TRDMT1: variants seen among roughly 807,000 people sequenced by gnomAD.
The protein encoded by TRDMT1 is tRNA (cytosine(38)-C(5))-methyltransferase.
In TRDMT1, 49 loss-of-function variants were observed where a neutral mutation model predicts 51.2. That is an observed-to-expected ratio of 0.96 (90% CI 0.76 to 1.21). The LOEUF (loss-of-function observed/expected upper bound fraction) is 1.21, where lower values mean the gene tolerates loss of function less well. TRDMT1 is among the 50% of genes most tolerant of loss of function. The pLI, the probability that TRDMT1 is intolerant of heterozygous loss-of-function variation, is 0.00. For synonymous variants in TRDMT1, 187 were observed against 164.6 expected (o/e 1.14, Z -1.04); for missense variants, 534 against 462.3 (o/e 1.16, Z -1.42).
At chr10:17,198,494 G>A (rs1481011190) in intron 1 of TRDMT1, among the ~76,000 whole-genome samples, 1 of 152,150 alleles carries the variant, frequency 6.6e-6, no homozygotes, top group Non-Finnish European at 1.5e-5. Context: ...TATTGATACA[G>A]GCTACAAAAT....
At position 17,155,212 on chromosome 10, in the gene TRDMT1, TC is replaced by T. The variant is rs1839335782; in HGVS notation, c.888-479del. ...CTGGGCAACAGAGTGAGACTCCATCTCAAAAAAATGATAATAAATAATAAAT... is the reference window on the plus strand; with the variant it reads ...CTGGGCAACAGAGTGAGACTCCATCTAAAAAAATGATAATAAATAATAAAT... On this transcript the variant is annotated intron_variant, in intron 8 of 10. Coordinates refer to ENST00000377799, the MANE Select transcript of TRDMT1 (RefSeq NM_004412.7). Among the ~76,000 whole-genome samples, 3 of 148,046 alleles carry T rather than the reference TC, an allele frequency of 2.0e-5. No homozygotes were observed. In the South Asian group the frequency reaches 6.4e-4, roughly 32 times the overall value.
intron 1 of TRDMT1, among the ~76,000 whole-genome samples, chr10:17,181,091 T>C (rs1014689217): frequency 1.3e-4 from 15 of 113,502 alleles, no homozygotes; most frequent in Non-Finnish European, 2.0e-5. Context: ...ACTGTGGCAA[T>C]GCACCCTGCT....
intron 10 of TRDMT1, chr10:17,150,480 C>A: frequency 1.0e-6 from 1 of 985,340 alleles, no homozygotes; most frequent in Non-Finnish European, 1.2e-6. Flanking sequence ...CCCATGGATC[C>A]CTTATATGCT....
chr10:17,174,802 C>G, intron 1 of TRDMT1, 142 bp from the exon 2 acceptor site: 2 of 645,890 alleles, frequency 3.1e-6, no homozygotes, highest in Non-Finnish European at 5.3e-6. Flanking sequence ...GAAGGTCAGG[C>G]CAGGGGAAGC....
Position 17,147,963 on chromosome 10 carries a change from TAAA to T in TRDMT1, c.*1074_*1076del. ...CACAAACTTCCAATTTATCCACCTC[TAAA>T]TAGCTGATTTTTAAGAAGAAAAATT... On this transcript the variant is annotated 3_prime_UTR_variant, in exon 11 of 11. Coordinates refer to ENST00000377799, the MANE Select transcript of TRDMT1 (RefSeq NM_004412.7). The T allele has an allele frequency of 1.0e-6, 1 of 981,592 alleles. No homozygotes were observed. The allele number at this position is 981,592 out of a possible 1,614,324, so 60.8% of individuals were successfully genotyped here.
In TRDMT1 at chr10:17,144,578, C is replaced by A; in HGVS notation, c.*4462G>T. ...CTCAGAATCTATGGTAAATATAAAG[C>A]CAATGTATATGAGAACTTGGGGAAT... On this transcript the variant is annotated 3_prime_UTR_variant, in exon 11 of 11. Coordinates refer to ENST00000377799, the MANE Select transcript of TRDMT1 (RefSeq NM_004412.7). The A allele has an allele frequency of 1.0e-6, 1 of 985,492 alleles. No homozygotes were observed. Among genetic ancestry groups the A allele is most frequent in the Non-Finnish European group, 1.2e-6 (1 of 829,900 alleles). 61.0% of individuals were successfully genotyped at this position (985,492 alleles called of 1,614,324 possible). A position where few individuals can be genotyped will look rare whatever the true frequency, so the allele number is the denominator to read the frequency against.
Position 17,144,874 on chromosome 10 carries a change from G to C in TRDMT1, c.*4166C>G. The C allele has an allele frequency of 3.0e-6, 3 of 985,200 alleles. No homozygotes were observed. The highest frequency in any genetic ancestry group is 3.6e-6 in the Non-Finnish European group (3 of 829,892). 61.0% of individuals were successfully genotyped at this position (985,200 alleles called of 1,614,324 possible). ...CAGCAAAGACAAGAAATAGTGAAAG[G>C]GAAAATGATGCACACAGGTTGACTC... On this transcript the variant is annotated 3_prime_UTR_variant, in exon 11 of 11. Transcript: ENST00000377799.
intron 2 of TRDMT1, chr10:17,169,614 CA>C: frequency 1.1e-6 from 1 of 944,192 alleles, no homozygotes; most frequent in East Asian, 6.1e-5. Flanking sequence ...TCTCAGTGCA[CA>C]TCTTTAGCTA....
chr10:17,175,725 C>G (rs1842546985), intron 1 of TRDMT1, among the ~76,000 whole-genome samples: 3 of 149,944 alleles, frequency 2.0e-5, no homozygotes, highest in Admixed American at 2.0e-4. Context: ...GCAGCAGGCA[C>G]CCGGAAATAA....
intron 1 of TRDMT1, among the ~76,000 whole-genome samples, chr10:17,197,700 T>C (rs928359779): frequency 2.6e-5 from 4 of 152,020 alleles, no homozygotes; most frequent in Non-Finnish European, 5.9e-5. Context: ...CAGACACTTC[T>C]CTGTATTGAA....
At chr10:17,186,699 T>C (rs1319868353) in intron 1 of TRDMT1, among the ~76,000 whole-genome samples, 1 of 152,140 alleles carries the variant, frequency 6.6e-6, no homozygotes, top group Non-Finnish European at 1.5e-5. Context: ...AGATAATAAT[T>C]AGAGATGTAA....
At chr10:17,161,017 G>C (rs988560904) in intron 5 of TRDMT1, among the ~76,000 whole-genome samples, 1 of 152,114 alleles carries the variant, frequency 6.6e-6, no homozygotes, top group African/African-American at 2.4e-5. Context: ...AGTCAGATGG[G>C]AGCACTGTTA....
intron 5 of TRDMT1, 77 bp from the exon 6 acceptor site, chr10:17,160,451 G>C: frequency 1.0e-6 from 1 of 988,072 alleles, no homozygotes; most frequent in Non-Finnish European, 1.4e-6. Flanking sequence ...CAAAAGCTGG[G>C]TTTCTTTTGT....
Position 17,147,147 on chromosome 10 carries a change from T to C in TRDMT1, c.*1893A>G. 1 of 985,698 alleles carries C rather than the reference T, an allele frequency of 1.0e-6. No individual in the cohort carries two copies. The highest frequency in any genetic ancestry group is 1.7e-5 in the African/African-American group (1 of 57,364). 61.1% of individuals were successfully genotyped at this position (985,698 alleles called of 1,614,324 possible). On this transcript the variant is annotated 3_prime_UTR_variant, in exon 11 of 11. Coordinates refer to ENST00000377799, the MANE Select transcript of TRDMT1 (RefSeq NM_004412.7). ...ATAGCATAATTATTCATAGTTACAG[T>C]AAAACTCTAAACCATTTTATTTAGA...
chr10:17,190,962 T>G (rs768392642), intron 1 of TRDMT1, among the ~76,000 whole-genome samples: 2 of 152,196 alleles, frequency 1.3e-5, no homozygotes, highest in Non-Finnish European at 2.9e-5. Flanking sequence ...GGAGTGGTTC[T>G]AGTTTTATGT....
chr10:17,201,563 A>G lies in TRDMT1; in HGVS notation c.64+8T>C, dbSNP rs1483164344. The stretch of plus-strand genomic sequence containing the variant: ...GAATAGAGAGAGGGGTGCTAGATGG[A>G]CTCTCACCTCTCAGCGCGTGGTGCA... On this transcript the variant is annotated splice_region_variant and intron_variant, in intron 1 of 10. Coordinates refer to ENST00000377799, the MANE Select transcript of TRDMT1 (RefSeq NM_004412.7). The G allele has an allele frequency of 5.8e-6, 9 of 1,547,786 alleles. No individual in the cohort carries two copies. Among genetic ancestry groups the G allele is most frequent in the South Asian group, 1.2e-5 (1 of 83,802 alleles).
intron 1 of TRDMT1, among the ~76,000 whole-genome samples, chr10:17,180,011 T>G (rs1481174520): frequency 2.0e-5 from 3 of 152,160 alleles, no homozygotes; most frequent in Non-Finnish European, 2.9e-5. Context: ...GCCCTGATAC[T>G]CTATGAGCAT....
At chr10:17,152,602 G>C (rs998128527) in intron 10 of TRDMT1, among the ~76,000 whole-genome samples, 1 of 152,134 alleles carries the variant, frequency 6.6e-6, no homozygotes, top group Admixed American at 6.6e-5. Flanking sequence ...AGCATTCGAG[G>C]GACGTGAGTC....
At chr10:17,162,020 C>A in intron 4 of TRDMT1, 146 bp downstream of exon 4, 1 of 727,482 alleles carries the variant, frequency 1.4e-6, no homozygotes. Flanking sequence ...CTCTATTAGT[C>A]ATGGTAGGAG....
Sources: gnomAD v4.1 joint callset for allele counts (sites outside exome capture counted in the v4.1 genomes callset) on GRCh38, gnomAD v4.1.1 for gene constraint, MANE v1.5 for transcripts, NCBI Gene and HGNC (gene_info 2026-07-23, HGNC 2026-07-21) for gene names.